RBFOX1: variants seen among roughly 807,000 people sequenced by gnomAD.
RBFOX1 encodes RNA binding protein fox-1 homolog 1.
RBFOX1 carries 8 observed loss-of-function variants against 57.7 expected under a neutral mutation model. The ratio of observed to expected loss-of-function variants is 0.14; its 90% CI spans 0.08 to 0.25. RBFOX1 has a LOEUF of 0.25. RBFOX1 is among the 10% of genes least tolerant of loss of function. The probability of loss-of-function intolerance (pLI) is 1.00; values close to 1 mark genes in which losing one functional copy is unlikely to be tolerated. For synonymous variants in RBFOX1, 326 were observed against 222.4 expected, an observed-to-expected ratio of 1.47 and a Z score of -4.15; for missense variants, 611 against 548.5, an observed-to-expected ratio of 1.11 and a Z score of -1.14.
At chr16:6,323,163 T>C (rs2082001738) in intron 2 of RBFOX1, among the ~76,000 whole-genome samples, 1 of 152,098 alleles carries the variant, frequency 6.6e-6, no homozygotes, top group Non-Finnish European at 1.5e-5. Context: ...AAAGAAGAAA[T>C]AACAATTCCT....
intron 2 of RBFOX1, among the ~76,000 whole-genome samples, chr16:5,471,021 T>G (rs2069116888): frequency 6.6e-6 from 1 of 152,034 alleles, no homozygotes; most frequent in Admixed American, 6.6e-5. Flanking sequence ...CTGGCTAATT[T>G]TTTGTATTTT....
At chr16:6,222,565 A>G (rs922729550) in intron 1 of RBFOX1, among the ~76,000 whole-genome samples, 1 of 151,830 alleles carries the variant, frequency 6.6e-6, no homozygotes, top group Non-Finnish European at 1.5e-5. Context: ...CCCTAACTTT[A>G]GTGCACATAA....
At chr16:6,024,312 T>G (rs761248855) in intron 1 of RBFOX1, among the ~76,000 whole-genome samples, 3 of 152,142 alleles carry the variant, frequency 2.0e-5, no homozygotes, top group Admixed American at 6.5e-5. Context: ...AGCCGCGTCA[T>G]AAGCAAGACG....
intron 3 of RBFOX1, among the ~76,000 whole-genome samples, chr16:6,914,563 T>TA (rs796695757): frequency 5.1e-4 from 59 of 116,712 alleles, no homozygotes; most frequent in East Asian, 1.4e-3. Context: ...AAAACAAAAA[T>TA]AAAAAAAAAA....
intron 2 of RBFOX1, among the ~76,000 whole-genome samples, chr16:6,352,994 G>C (rs2086670606): frequency 6.6e-6 from 1 of 152,152 alleles, no homozygotes; most frequent in Non-Finnish European, 1.5e-5. Context: ...CAGGGTTTCT[G>C]TGGGAAGTCA....
intron 1 of RBFOX1, among the ~76,000 whole-genome samples, chr16:6,033,399 T>C (rs17190950): frequency 0.13 from 19,949 of 152,262 alleles, 1,690 homozygotes; most frequent in East Asian, 0.36. Context: ...TCTCTTGCAC[T>C]TGCCTTGCAG....
chr16:6,961,466 A>G (rs1050002550), intron 3 of RBFOX1, among the ~76,000 whole-genome samples: 1 of 152,238 alleles, frequency 6.6e-6, no homozygotes, highest in African/African-American at 2.4e-5. Context: ...GTCCCGATCA[A>G]GATCCCAAAG....
intron 3 of RBFOX1, among the ~76,000 whole-genome samples, chr16:5,692,848 A>G (rs1443597940): frequency 6.6e-6 from 1 of 152,212 alleles, no homozygotes; most frequent in African/African-American, 2.4e-5. Flanking sequence ...AAGTGAGACC[A>G]TACCTGGAAG....
At chr16:5,283,963 A>C (rs1464876856) in intron 1 of RBFOX1, among the ~76,000 whole-genome samples, 2 of 152,040 alleles carry the variant, frequency 1.3e-5, no homozygotes, top group South Asian at 2.1e-4. Flanking sequence ...TCCCCACCCA[A>C]ATCTCATCTT....
At chr16:5,960,798 T>G (rs2059732696) in intron 4 of RBFOX1, among the ~76,000 whole-genome samples, 1 of 152,160 alleles carries the variant, frequency 6.6e-6, no homozygotes, top group Non-Finnish European at 1.5e-5. Flanking sequence ...CAGCCCCTTT[T>G]ATGCAGAATT....
chr16:7,478,079 C>T (rs2063118022), intron 4 of RBFOX1, among the ~76,000 whole-genome samples: 1 of 152,220 alleles, frequency 6.6e-6, no homozygotes, highest in Non-Finnish European at 1.5e-5. Context: ...TGGATAAGCA[C>T]TTGCAACCCG....
chr16:6,940,601 C>A (rs1025169681), intron 3 of RBFOX1, among the ~76,000 whole-genome samples: 1 of 152,012 alleles, frequency 6.6e-6, no homozygotes, highest in South Asian at 2.1e-4. Context: ...TATTTGTACA[C>A]TTCTTTTCTT....
In RBFOX1 at chr16:6,780,384, C is replaced by T. The variant is rs1294258632; in HGVS notation, c.-16+125734C>T. ...ATACATATTTATAGATATATTTATACATATTATATATATTTTTATATATAT... is the reference window on the plus strand; with the variant it reads ...ATACATATTTATAGATATATTTATATATATTATATATATTTTTATATATAT... On this transcript the variant is annotated intron_variant, in intron 3 of 15. Transcript: ENST00000550418. 5.8e-3 allele frequency among the ~76,000 whole-genome samples: 398 copies of T among 69,058 alleles called. 19 individuals are homozygous for T. The highest frequency in any genetic ancestry group is 0.023 in the South Asian group (41 of 1,822). 45.3% of individuals were successfully genotyped at this position (69,058 alleles called of 152,430 possible). A position where few individuals can be genotyped will look rare whatever the true frequency, so the allele number is the denominator to read the frequency against.
At chr16:7,339,749 T>A (rs1043576256) in intron 4 of RBFOX1, among the ~76,000 whole-genome samples, 1 of 152,166 alleles carries the variant, frequency 6.6e-6, no homozygotes, top group Non-Finnish European at 1.5e-5. Context: ...CAGAAAGATA[T>A]TTGTTAAGAA....
intron 4 of RBFOX1, among the ~76,000 whole-genome samples, chr16:7,165,460 G>T (rs1418444447): frequency 2.0e-5 from 3 of 148,954 alleles, no homozygotes; most frequent in African/African-American, 7.5e-5. Context: ...ATGGAGTTTC[G>T]CTCTTGTTCC....
chr16:7,321,119 A>ATATACATATACATATACATATACT (rs1568198052), intron 4 of RBFOX1, among the ~76,000 whole-genome samples: 14 of 137,314 alleles, frequency 1.0e-4, no homozygotes, highest in African/African-American at 2.7e-4. Context: ...ATACATATAC[A>ATATACATATACATATACATATACT]TATACATATA....
chr16:5,361,183 G>A (rs2065540168), intron 1 of RBFOX1, among the ~76,000 whole-genome samples: 1 of 152,124 alleles, frequency 6.6e-6, no homozygotes, highest in Non-Finnish European at 1.5e-5. Flanking sequence ...GTTTATCTGG[G>A]TCCAGTGCCA....
In RBFOX1 at chr16:5,804,369, G is replaced by A. The variant is rs114855525; in HGVS notation, c.319-62934G>A. On this transcript the variant is annotated intron_variant, in intron 3 of 19. Transcript: ENST00000641259. ...AGTGAATACATAAACTTAGTTTATT[G>A]GTGGTAGTGACAGAGTTTTTGTCTG... Among the ~76,000 whole-genome samples, 1,516 of 152,292 alleles carry A rather than the reference G, an allele frequency of 1.0e-2. 30 individuals carry two copies. The highest frequency in any genetic ancestry group is 0.034 in the African/African-American group (1,430 of 41,566).
intron 1 of RBFOX1, among the ~76,000 whole-genome samples, chr16:5,262,535 C>G (rs1162488065): frequency 6.6e-6 from 1 of 152,224 alleles, no homozygotes; most frequent in Non-Finnish European, 1.5e-5. Flanking sequence ...TCCTGGGTCT[C>G]CAGCTTGCTG....
Sources: allele counts gnomAD v4.1 joint callset (sites outside exome capture counted in the v4.1 genomes callset), GRCh38; gene constraint gnomAD v4.1.1; transcripts MANE v1.5; gene names NCBI Gene and HGNC (gene_info 2026-07-23, HGNC 2026-07-21).